DAB1: variants seen among roughly 807,000 people sequenced by gnomAD.
The protein encoded by DAB1 is DAB adaptor protein 1.
A neutral mutation model predicts 64.6 loss-of-function variants in DAB1; 15 were observed. The observed-to-expected ratio is 0.23, with a 90% CI of 0.16 to 0.36. The LOEUF is 0.36. DAB1 is among the 10% of genes least tolerant of loss of function. The pLI is 1.00. For missense variants in DAB1, 596 were observed against 706.7 expected, an observed-to-expected ratio of 0.84 and a Z score of 1.78; for synonymous variants, 235 against 251.9, an observed-to-expected ratio of 0.93 and a Z score of 0.64.
rs1479884843 is a variant in DAB1, at chr1:57,882,991, GCAA to G, written n.87+1005_87+1007del. ...CTGAAGCCGAATGTTCAAGGACAAT[GCAA>G]AGAGAGATTAAGGAAGGATGTACAC... On this transcript the variant is annotated intron_variant and non_coding_transcript_variant, in intron 1 of 1. Transcript: ENST00000477280. Among the ~76,000 whole-genome samples, 9 of 152,310 alleles carry G rather than the reference GCAA, an allele frequency of 5.9e-5. No homozygotes were observed. The East Asian group carries it at 1.2e-3, about 20-fold the overall frequency.
intron 6 of DAB1, among the ~76,000 whole-genome samples, chr1:57,659,348 T>A (rs868554462): frequency 6.6e-6 from 1 of 152,208 alleles, no homozygotes; most frequent in Non-Finnish European, 1.5e-5. Flanking sequence ...CGTGCAGCAC[T>A]GGAAATAAAA....
chr1:58,372,392 G>GTTGGA (rs1644272834), intron 3 of DAB1, among the ~76,000 whole-genome samples: 1 of 152,174 alleles, frequency 6.6e-6, no homozygotes, highest in Non-Finnish European at 1.5e-5. Context: ...TCCAACGTCT[G>GTTGGA]TACCCCCATT....
intron 9 of DAB1, among the ~76,000 whole-genome samples, chr1:57,055,879 T>C (rs1649705358): frequency 6.6e-6 from 1 of 152,116 alleles, no homozygotes; most frequent in Admixed American, 6.6e-5. Flanking sequence ...TAGAAGTGAA[T>C]CCTGCCCTCT....
chr1:57,509,067 T>G (rs1370701007), intron 7 of DAB1, among the ~76,000 whole-genome samples: 1 of 152,148 alleles, frequency 6.6e-6, no homozygotes, highest in East Asian at 1.9e-4. Context: ...AATACATTTC[T>G]ATATGTACAT....
chr1:57,945,777 G>T (rs1645175938), intron 5 of DAB1, among the ~76,000 whole-genome samples: 1 of 152,146 alleles, frequency 6.6e-6, no homozygotes, highest in African/African-American at 2.4e-5. Context: ...AATTTCCAAA[G>T]CCTACCTGTC....
intron 6 of DAB1, among the ~76,000 whole-genome samples, chr1:57,679,658 C>T (rs545003168): frequency 6.6e-5 from 10 of 152,298 alleles, no homozygotes; most frequent in East Asian, 1.9e-4. Context: ...CACAAGCACA[C>T]GCACACACGC....
At chr1:58,153,961 G>C (rs1159878155) in intron 4 of DAB1, among the ~76,000 whole-genome samples, 1 of 150,122 alleles carries the variant, frequency 6.7e-6, no homozygotes, top group Admixed American at 6.7e-5. Context: ...TCTTCTTCAG[G>C]GTGTCCAAAA....
At chr1:58,152,874 C>T (rs1238639618) in intron 4 of DAB1, among the ~76,000 whole-genome samples, 2 of 152,104 alleles carry the variant, frequency 1.3e-5, no homozygotes, top group Admixed American at 6.6e-5. Context: ...GAGTTATGTA[C>T]AGGTGACGAA....
chr1:57,519,782 C>T (rs1419940803), intron 7 of DAB1, among the ~76,000 whole-genome samples: 1 of 152,166 alleles, frequency 6.6e-6, no homozygotes, highest in African/African-American at 2.4e-5. Context: ...TAACACTTAG[C>T]TGTTCAAAGG....
At position 58,005,647 on chromosome 1, in the gene DAB1, G is replaced by A. The variant is rs535381693; in HGVS notation, n.388-121485C>T. ...AAAAAGGCAGTGCCTCAAGATGCAA[G>A]ACTAGATAAGAATACTGAACAAGAC... On this transcript the variant is annotated intron_variant and non_coding_transcript_variant, in intron 5 of 20. Coordinates refer to the DAB1 transcript ENST00000485760. Among the ~76,000 whole-genome samples, 6 of 147,158 alleles carry A rather than the reference G, an allele frequency of 4.1e-5. No homozygotes were observed. The South Asian group carries it at 1.1e-3, about 26-fold the overall frequency.
intron 2 of DAB1, among the ~76,000 whole-genome samples, chr1:57,171,954 G>A (rs564999010): frequency 6.6e-6 from 1 of 152,274 alleles, no homozygotes; most frequent in East Asian, 1.9e-4. Context: ...GAGGCTAGAA[G>A]TTCAAGATCA....
At chr1:57,386,739 C>CGTGTGCGTGTGTGTGT (rs202112415) in intron 1 of DAB1, 1 of 150,012 alleles carries the variant, frequency 6.7e-6, no homozygotes, top group African/African-American at 2.5e-5. Context: ...TGTGCGTGTG[C>CGTGTGCGTGTGTGTGT]GTGTGTGTGT....
At chr1:57,510,269 C>A (rs942444623) in intron 7 of DAB1, among the ~76,000 whole-genome samples, 2 of 152,088 alleles carry the variant, frequency 1.3e-5, no homozygotes, top group African/African-American at 2.4e-5. Context: ...TACCTCTCAG[C>A]CAGATTCCAG....
intron 6 of DAB1, among the ~76,000 whole-genome samples, chr1:57,811,292 G>A (rs190422795): frequency 7.4e-4 from 112 of 152,286 alleles, no homozygotes; most frequent in African/African-American, 2.5e-3. Flanking sequence ...ATTAGATCAC[G>A]GGGGTGGTTT....
intron 2 of DAB1, among the ~76,000 whole-genome samples, chr1:58,526,593 A>G (rs544379954): frequency 1.6e-4 from 18 of 112,628 alleles, no homozygotes; most frequent in African/African-American, 5.0e-4. Context: ...GCTGCTCTCT[A>G]TGGCTAGCAA....
At chr1:57,788,313 C>T (rs1241678196) in intron 6 of DAB1, among the ~76,000 whole-genome samples, 1 of 152,126 alleles carries the variant, frequency 6.6e-6, no homozygotes, top group African/African-American at 2.4e-5. Context: ...ACACTGGGTG[C>T]ATTCACATGA....
chr1:57,472,624 G>A (rs12752905), intron 7 of DAB1, among the ~76,000 whole-genome samples: 19 of 147,230 alleles, frequency 1.3e-4, no homozygotes, highest in Admixed American at 7.3e-4. Context: ...TCACATACCC[G>A]CTGCTTGCTC....
chr1:58,091,797 T>C (rs911963869), intron 5 of DAB1, among the ~76,000 whole-genome samples: 2 of 152,224 alleles, frequency 1.3e-5, no homozygotes, highest in African/African-American at 2.4e-5. Flanking sequence ...ATTTTCTACC[T>C]ATTGACCTGA....
intron 3 of DAB1, among the ~76,000 whole-genome samples, chr1:58,383,168 T>C (rs1337649467): frequency 1.3e-5 from 2 of 152,220 alleles, no homozygotes; most frequent in African/African-American, 4.8e-5. Flanking sequence ...TTAGATCTGT[T>C]AGTGAGCAGA....
Sources: allele counts gnomAD v4.1 joint callset (sites outside exome capture counted in the v4.1 genomes callset), GRCh38; gene constraint gnomAD v4.1.1; transcripts MANE v1.5; gene names NCBI Gene and HGNC (gene_info 2026-07-23, HGNC 2026-07-21).